Variants in TNFAIP8 observed in about 807,000 individuals in gnomAD.
The protein encoded by TNFAIP8 is tumor necrosis factor alpha-induced protein 8.
TNFAIP8 carries 7 observed loss-of-function variants against 13.3 expected under a neutral mutation model. The ratio of observed to expected loss-of-function variants is 0.52; its 90% CI spans 0.30 to 0.99. TNFAIP8 has a LOEUF of 0.99. Among genes scored for constraint, TNFAIP8 ranks in the 50% least tolerant of loss-of-function variants. The probability of loss-of-function intolerance (pLI) is 0.07; values close to 1 mark genes in which losing one functional copy is unlikely to be tolerated. For missense variants in TNFAIP8, 258 were observed against 236.9 expected (o/e 1.09, Z -0.58); for synonymous variants, 94 against 87.6 (o/e 1.07, Z -0.41).
At chr5:119,362,894 GT>G (rs1343975738) in intron 1 of TNFAIP8, among the ~76,000 whole-genome samples, 1 of 152,128 alleles carries the variant, frequency 6.6e-6, no homozygotes, top group Non-Finnish European at 1.5e-5. Flanking sequence ...AGAACCATGA[GT>G]TGGTCTGGAG....
chr5:119,291,716 G>A (rs1748991308), intron 1 of TNFAIP8, among the ~76,000 whole-genome samples: 1 of 152,180 alleles, frequency 6.6e-6, no homozygotes, highest in Admixed American at 6.5e-5. Context: ...ATGCCCCTTA[G>A]TTTGAATGGA....
Position 119,393,380 on chromosome 5 carries a change from G to A in TNFAIP8, c.596G>A (p.Ter199=), listed in dbSNP as rs910901874. Residue 199 remains the stop codon, a stop_retained_variant, in exon 2 of 2, where the codon TGA becomes TAA. Coordinates refer to ENST00000504771, the MANE Select transcript of TNFAIP8 (RefSeq NM_014350.4). ...INKMLDEENI[*] is the part of the protein sequence containing the mutation. ...AAAATGTTGGATGAAGAGAACATAT[G>A]AGCACATGAGTTAAGATTGTGACTG... The A allele has an allele frequency of 1.9e-6, 3 of 1,609,720 alleles. No individual in the cohort carries two copies. In the African/African-American group the frequency reaches 4.0e-5, roughly 22 times the overall value.
intron 1 of TNFAIP8, among the ~76,000 whole-genome samples, chr5:119,374,176 GTGTT>G (rs1358389529): frequency 6.6e-6 from 1 of 151,660 alleles, no homozygotes; most frequent in Non-Finnish European, 1.5e-5. Context: ...TGGGACTGAA[GTGTT>G]TTAGATTTTG....
chr5:119,385,122 C>A (rs931287836), intron 1 of TNFAIP8, among the ~76,000 whole-genome samples: 36 of 152,212 alleles, frequency 2.4e-4, no homozygotes, highest in African/African-American at 8.2e-4. Flanking sequence ...ACTGCTGGAT[C>A]TTTTCAGATT....
intron 1 of TNFAIP8, among the ~76,000 whole-genome samples, chr5:119,319,169 G>A (rs993976730): frequency 1.3e-5 from 2 of 152,188 alleles, no homozygotes; most frequent in Non-Finnish European, 2.9e-5. Context: ...AGCACTTTGG[G>A]AGGTGAAGGC....
intron 1 of TNFAIP8, among the ~76,000 whole-genome samples, chr5:119,284,791 C>G (rs1277877671): frequency 6.6e-6 from 1 of 152,122 alleles, no homozygotes; most frequent in Non-Finnish European, 1.5e-5. Flanking sequence ...TGAGAGCAAC[C>G]TGCCTTGCTG....
At chr5:119,290,668 C>T (rs76656701) in intron 1 of TNFAIP8, among the ~76,000 whole-genome samples, 4,624 of 152,150 alleles carry the variant, frequency 0.03, 244 homozygotes, top group African/African-American at 0.11. Flanking sequence ...TCATTGGGGG[C>T]ATCTTGGAGA....
At chr5:119,327,408 A>G (rs1246037702) in intron 1 of TNFAIP8, among the ~76,000 whole-genome samples, 1 of 152,214 alleles carries the variant, frequency 6.6e-6, no homozygotes, top group Non-Finnish European at 1.5e-5. Context: ...TCAAGACGTT[A>G]TAATTCTGAT....
intron 1 of TNFAIP8, among the ~76,000 whole-genome samples, chr5:119,298,633 C>G (rs930606832): frequency 6.6e-6 from 1 of 152,020 alleles, no homozygotes; most frequent in Admixed American, 6.5e-5. Context: ...CTCTGTATTT[C>G]CTGAATCTGA....
intron 1 of TNFAIP8, among the ~76,000 whole-genome samples, chr5:119,269,770 A>G (rs1371111634): frequency 6.6e-6 from 1 of 152,214 alleles, no homozygotes; most frequent in Non-Finnish European, 1.5e-5. Flanking sequence ...CTTAAGACTG[A>G]TAATTCCATC....
chr5:119,311,668 G>A (rs1749731734), intron 1 of TNFAIP8, among the ~76,000 whole-genome samples: 1 of 118,844 alleles, frequency 8.4e-6, no homozygotes, highest in Non-Finnish European at 1.6e-5. Flanking sequence ...CAGCCTGGGT[G>A]ACAGAGTGAG....
intron 1 of TNFAIP8, among the ~76,000 whole-genome samples, chr5:119,341,477 C>T (rs1322282961): frequency 1.3e-5 from 2 of 152,220 alleles, no homozygotes; most frequent in Admixed American, 6.5e-5. Flanking sequence ...TACCAGCTTA[C>T]GATCCTTGGG....
Position 119,397,600 on chromosome 5 carries a change from C to T in TNFAIP8, c.*4219C>T, listed in dbSNP as rs560784726. 2.0e-5 allele frequency: 3 copies of T among 152,276 alleles called. No homozygotes were observed. The highest frequency in any genetic ancestry group is 7.2e-5 in the African/African-American group (3 of 41,552). The allele number at this position is 152,276 out of a possible 1,614,324, so 9.4% of individuals were successfully genotyped here. The stretch of plus-strand genomic sequence containing the variant: ...TGTTTATGACAGAAAAAATTTTATC[C>T]TACCTCTGAAATAATTGTACTTTCT... On this transcript the variant is annotated 3_prime_UTR_variant, in exon 2 of 2. Coordinates refer to ENST00000504771, the MANE Select transcript of TNFAIP8 (RefSeq NM_014350.4).
intron 1 of TNFAIP8, among the ~76,000 whole-genome samples, chr5:119,364,578 G>C (rs1050765637): frequency 3.9e-5 from 6 of 152,216 alleles, no homozygotes; most frequent in Admixed American, 6.5e-5. Flanking sequence ...GAACTCATGA[G>C]CTCAAGCAGT....
At chr5:119,290,870 T>A (rs75735757) in intron 1 of TNFAIP8, among the ~76,000 whole-genome samples, 4,622 of 152,162 alleles carry the variant, frequency 0.03, 244 homozygotes, top group African/African-American at 0.11. Context: ...TCAAGGGACA[T>A]TAATGGAGCA....
At chr5:119,293,160 C>G (rs1749051938) in intron 1 of TNFAIP8, among the ~76,000 whole-genome samples, 1 of 151,952 alleles carries the variant, frequency 6.6e-6, no homozygotes. Flanking sequence ...CTAAATCAAG[C>G]CATTTAACAC....
chr5:119,324,723 A>G (rs563406037), intron 1 of TNFAIP8, among the ~76,000 whole-genome samples: 1 of 152,092 alleles, frequency 6.6e-6, no homozygotes, highest in African/African-American at 2.4e-5. Context: ...ATCAACTACA[A>G]TTTGACCAAT....
chr5:119,297,005 ATTCT>A (rs1749198570), intron 1 of TNFAIP8, among the ~76,000 whole-genome samples: 1 of 151,244 alleles, frequency 6.6e-6, no homozygotes, highest in Non-Finnish European at 1.5e-5. Context: ...CGTCTATTTG[ATTCT>A]TCTCTCTTTT....
At position 119,394,610 on chromosome 5, in the gene TNFAIP8, G is replaced by GTTTTTT. The variant is rs1753026375; in HGVS notation, c.*1229_*1230insTTTTTT. The GTTTTTT allele has an allele frequency of 9.8e-6, 1 of 102,132 alleles. No homozygotes were observed. Among genetic ancestry groups the GTTTTTT allele is most frequent in the African/African-American group, 4.9e-5 (1 of 20,588 alleles). 6.3% of individuals were successfully genotyped at this position (102,132 alleles called of 1,614,324 possible). A position where few individuals can be genotyped will look rare whatever the true frequency, so the allele number is the denominator to read the frequency against. The stretch of plus-strand genomic sequence containing the variant: ...ACATTTCCATTGTCACTGTGTCTAT[G>GTTTTTT]ATTTTTTTTTTTTTTTTTTTGAGTC... On this transcript the variant is annotated 3_prime_UTR_variant, in exon 2 of 2. Coordinates refer to ENST00000504771, the MANE Select transcript of TNFAIP8 (RefSeq NM_014350.4).
Sources: allele counts gnomAD v4.1 joint callset (sites outside exome capture counted in the v4.1 genomes callset), GRCh38; gene constraint gnomAD v4.1.1; transcripts MANE v1.5; gene names NCBI Gene and HGNC (gene_info 2026-07-23, HGNC 2026-07-21).